The following NLGN4X variants were observed in gnomAD, a reference collection of about 807,000 sequenced individuals.
The protein encoded by NLGN4X is neuroligin 4 X-linked.
Under a neutral mutation model 40.3 loss-of-function variants are expected in NLGN4X, and 3 were observed. The ratio of observed to expected loss-of-function variants is 0.07; its 90% CI spans 0.03 to 0.19. The LOEUF is 0.19. Ranked by LOEUF, NLGN4X falls within the 10% of genes least tolerant of loss-of-function variation. The pLI, the probability that NLGN4X is intolerant of heterozygous loss-of-function variation, is 1.00. For synonymous variants in NLGN4X, 270 were observed against 306.8 expected, an observed-to-expected ratio of 0.88 and a Z score of 1.25; for missense variants, 382 against 708.3, an observed-to-expected ratio of 0.54 and a Z score of 5.23.
chrX:6,187,273 C>T (rs1328596311), intron 1 of NLGN4X, among the ~76,000 whole-genome samples: 1 of 100,291 alleles, frequency 1.0e-5, no homozygotes, highest in African/African-American at 3.7e-5. Flanking sequence ...TTAAAAATTT[C>T]CTAGACCGTC....
intron 3 of NLGN4X, among the ~76,000 whole-genome samples, chrX:5,972,866 A>G (rs2147029383): frequency 9.0e-6 from 1 of 111,630 alleles, no homozygotes; most frequent in South Asian, 3.8e-4. Context: ...TGTTTTTAAG[A>G]GTAACTGTTA....
At chrX:6,079,128 T>C (rs2038281362) in intron 2 of NLGN4X, among the ~76,000 whole-genome samples, 1 of 111,591 alleles carries the variant, frequency 9.0e-6, no homozygotes, top group Non-Finnish European at 1.9e-5. Context: ...CAGTCTCAGG[T>C]ATTTTTTATA....
intron 3 of NLGN4X, among the ~76,000 whole-genome samples, chrX:5,954,740 A>C (rs994708706): frequency 4.5e-5 from 5 of 110,122 alleles, no homozygotes; most frequent in African/African-American, 9.9e-5. Context: ...TCTTGCCCAG[A>C]ATCTAGCACT....
At chrX:6,050,683 CTATT>C (rs981806171) in intron 2 of NLGN4X, among the ~76,000 whole-genome samples, 9 of 111,399 alleles carry the variant, frequency 8.1e-5, no homozygotes, top group East Asian at 5.7e-4. Context: ...TCATATCTAT[CTATT>C]TATCTATCTA....
chrX:5,965,114 T>A (rs1473445057), intron 3 of NLGN4X, among the ~76,000 whole-genome samples: 1 of 111,877 alleles, frequency 8.9e-6, no homozygotes, highest in African/African-American at 3.2e-5. Flanking sequence ...GAGAACACCC[T>A]ATTAAATTGA....
At chrX:6,053,259 C>T (rs1172854902) in intron 2 of NLGN4X, among the ~76,000 whole-genome samples, 1 of 112,142 alleles carries the variant, frequency 8.9e-6, no homozygotes, top group Non-Finnish European at 1.9e-5. Flanking sequence ...CCTCAAATGG[C>T]GTGTACACAG....
chrX:6,021,002 T>TTCTC lies in NLGN4X; in HGVS notation c.625+8274_625+8277dup, dbSNP rs869309615. Among the ~76,000 whole-genome samples the TTCTC allele has an allele frequency of 4.5e-3, 108 of 24,073 alleles. 6 individuals carry two copies. Among genetic ancestry groups the TTCTC allele is most frequent in the African/African-American group, 5.0e-3 (35 of 6,960 alleles). 20.9% of individuals were successfully genotyped at this position (24,073 alleles called of 115,157 possible). ...AATTTTTTCTTTTTCCTTCCTTCTT[T>TTCTC]TCTCTCTCTCTCTCTCTCTCTCTCT... On this transcript the variant is annotated intron_variant, in intron 3 of 5. Coordinates refer to ENST00000381095, the MANE Select transcript of NLGN4X (RefSeq NM_181332.3).
chrX:6,215,374 A>G (rs1924982403), intron 1 of NLGN4X, among the ~76,000 whole-genome samples: 1 of 110,203 alleles, frequency 9.1e-6, no homozygotes, highest in African/African-American at 3.3e-5. Flanking sequence ...ACATGGAGAA[A>G]CCCTGTCTCT....
At chrX:6,030,931 A>G (rs2036841130) in intron 2 of NLGN4X, among the ~76,000 whole-genome samples, 1 of 111,820 alleles carries the variant, frequency 8.9e-6, no homozygotes, top group Non-Finnish European at 1.9e-5. Context: ...TGCCTAGTAA[A>G]TTGTGGAAAA....
chrX:6,052,721 A>G (rs867921644), intron 2 of NLGN4X, among the ~76,000 whole-genome samples: 5 of 112,348 alleles, frequency 4.5e-5, no homozygotes, highest in Non-Finnish European at 7.5e-5. Context: ...TGAAGCCCCT[A>G]TTGGGATTAA....
At chrX:6,212,822 G>A (rs185268393) in intron 1 of NLGN4X, among the ~76,000 whole-genome samples, 1 of 111,743 alleles carries the variant, frequency 8.9e-6, no homozygotes, top group African/African-American at 3.2e-5. Context: ...AGACTCTCTG[G>A]TGTCTACATC....
intron 2 of NLGN4X, among the ~76,000 whole-genome samples, chrX:6,044,918 G>T (rs1457553546): frequency 8.9e-6 from 1 of 112,368 alleles, no homozygotes; most frequent in Admixed American, 9.4e-5. Flanking sequence ...AATCATTTGT[G>T]ATTTTTCATG....
chrX:6,070,629 T>C (rs1309409868), intron 2 of NLGN4X, among the ~76,000 whole-genome samples: 1 of 112,099 alleles, frequency 8.9e-6, no homozygotes, highest in African/African-American at 3.2e-5. Flanking sequence ...GGCATGTGCC[T>C]GTAGTCCTAG....
intron 3 of NLGN4X, among the ~76,000 whole-genome samples, chrX:5,956,843 T>C (rs1457061876): frequency 1.8e-5 from 2 of 112,291 alleles, no homozygotes; most frequent in Non-Finnish European, 3.8e-5. Context: ...TTCTTTGATA[T>C]GTGAGAGACA....
chrX:5,999,903 G>A (rs1183383066), intron 3 of NLGN4X, among the ~76,000 whole-genome samples: 2 of 112,157 alleles, frequency 1.8e-5, no homozygotes, highest in African/African-American at 3.2e-5. Context: ...TCATTACTCC[G>A]CAAAAATTAA....
chrX:5,926,927 C>A (rs867213060), intron 3 of NLGN4X, among the ~76,000 whole-genome samples: 30 of 81,762 alleles, frequency 3.7e-4, no homozygotes, highest in African/African-American at 1.2e-3. Context: ...TAACATATCT[C>A]TATATCTTCT....
intron 2 of NLGN4X, among the ~76,000 whole-genome samples, chrX:6,109,317 A>C (rs2039095841): frequency 9.0e-6 from 1 of 111,716 alleles, no homozygotes; most frequent in Non-Finnish European, 1.9e-5. Flanking sequence ...TGCATTTACA[A>C]TTTTATAAAC....
intron 3 of NLGN4X, among the ~76,000 whole-genome samples, chrX:6,014,328 A>T (rs1392724982): frequency 1.1e-4 from 12 of 112,241 alleles, no homozygotes; most frequent in Non-Finnish European, 5.6e-5. Context: ...TAAGATATGT[A>T]GCCAGTCTTC....
intron 1 of NLGN4X, among the ~76,000 whole-genome samples, chrX:6,185,789 C>A (rs542942016): frequency 8.9e-6 from 1 of 112,014 alleles, no homozygotes; most frequent in South Asian, 3.7e-4. Flanking sequence ...TGAACCTTAG[C>A]CCTAAGAGAG....
Sources: gnomAD v4.1 joint callset for allele counts (sites outside exome capture counted in the v4.1 genomes callset) on GRCh38, gnomAD v4.1.1 for gene constraint, MANE v1.5 for transcripts, NCBI Gene and HGNC (gene_info 2026-07-23, HGNC 2026-07-21) for gene names.